Variants in GRIK5 observed in about 807,000 individuals in gnomAD.
GRIK5 encodes glutamate ionotropic receptor kainate type subunit 5.
A neutral mutation model predicts 97.4 loss-of-function variants in GRIK5; 43 were observed. That is an observed-to-expected ratio of 0.44 (90% CI 0.35 to 0.57). The LOEUF is 0.57. Among genes scored for constraint, GRIK5 ranks in the 20% least tolerant of loss-of-function variants. The pLI, the probability that GRIK5 is intolerant of heterozygous loss-of-function variation, is 0.01. For synonymous variants in GRIK5, 580 were observed against 583.5 expected (o/e 0.99, Z 0.09); for missense variants, 1,015 against 1,382.0 (o/e 0.73, Z 4.21).
At chr19:42,035,397 T>C (rs1228810327) in intron 12 of GRIK5, among the ~76,000 whole-genome samples, 1 of 152,172 alleles carries the variant, frequency 6.6e-6, no homozygotes, top group East Asian at 1.9e-4. Flanking sequence ...GATATCATTT[T>C]TGCAAAAATA....
rs147887966 is a variant in GRIK5 at position 42,021,459 on chromosome 19, C to T, written c.1713G>A (p.Glu571=). ...LFLAARLSPY[E]WYNPHPCLRA... ...GCAGGCATGGGTGTGGGTTATACCA[C>T]TCATAGGGGCTCAGCCTGTGGAGAG... Residue 571 remains glutamate (E), a synonymous_variant, in exon 15 of 20, where the codon GAG becomes GAA. Coordinates refer to ENST00000593562, the MANE Select transcript of GRIK5 (RefSeq NM_002088.5). This position sits in a 1 kb window ranked among gnomAD's most constrained non-coding sequence, Gnocchi z 4.2. The T allele has an allele frequency of 5.7e-6, 9 of 1,573,856 alleles. No individual in the cohort carries two copies. Among genetic ancestry groups the T allele is most frequent in the South Asian group, 1.2e-5 (1 of 86,082 alleles).
In GRIK5 at chr19:42,062,795, G is replaced by A. The variant is rs751122342; in HGVS notation, c.305C>T (p.Ser102Phe). The change falls in exon 4 of 20, where the codon TCT becomes TTT. Residue 102 changes from serine (S) to phenylalanine (F), a missense_variant. Ser to Phe is a radical substitution (Grantham distance 155). Transcript: ENST00000593562. This position sits in a 1 kb window ranked among gnomAD's most constrained non-coding sequence, Gnocchi z 5.3. Reference sequence around the variant, plus strand: ...ACAGATATGGCTCACGGTGGAGGCAGATGCTGGGCTAGAGGAGGGCCCAAG... The same window carrying A: ...ACAGATATGGCTCACGGTGGAGGCAAATGCTGGGCTAGAGGAGGGCCCAAG... ...SVLGPSSSPASASTVSHICGE... is the reference protein window; with the variant it reads ...SVLGPSSSPAFASTVSHICGE... 3 of 1,614,054 alleles carry A rather than the reference G, an allele frequency of 1.9e-6. No homozygotes were observed. The East Asian group carries it at 6.7e-5, about 36-fold the overall frequency.
At chr19:42,066,074 A>G (rs568617269) in intron 1 of GRIK5, among the ~76,000 whole-genome samples, 2 of 152,230 alleles carry the variant, frequency 1.3e-5, no homozygotes, top group East Asian at 3.9e-4. Flanking sequence ...GCTGCAAGAG[A>G]GAGGATGGGC....
In GRIK5 at chr19:41,999,053, G is replaced by A; in HGVS notation, c.2761C>T (p.Pro921Ser). 1.6e-6 allele frequency: 2 copies of A among 1,235,010 alleles called. No individual in the cohort carries two copies. Among genetic ancestry groups the A allele is most frequent in the South Asian group, 2.9e-5 (1 of 34,312 alleles). The allele number at this position is 1,235,010 out of a possible 1,614,324, so 76.5% of individuals were successfully genotyped here. ...TGGGTGCAGGGGGTGGGGGCGGCGG[G>A]TCGGGCTCCGCTGGGGGGCCCCGGG... Reference protein sequence around the residue: ...DDPGPPSGARPAAPTPCTHVR... With the variant: ...DDPGPPSGARSAAPTPCTHVR... Residue 921 changes from proline to serine, a missense_variant, in exon 20 of 20, where the codon CCC becomes TCC. Coordinates refer to ENST00000593562, the MANE Select transcript of GRIK5 (RefSeq NM_002088.5). This position sits in a 1 kb window ranked among gnomAD's most constrained non-coding sequence, Gnocchi z 5.0.
rs1555871093 is a variant in GRIK5, at chr19:42,002,268, G to A, written c.2514+1064C>T. On this transcript the variant is annotated intron_variant, in intron 19 of 19. Coordinates refer to ENST00000593562, the MANE Select transcript of GRIK5 (RefSeq NM_002088.5). The surrounding 1 kb of genome is among the most constrained non-coding windows in gnomAD (Gnocchi z 5.2). ...CTGCTGCCAAGGCTGTAAAGAGAAG[G>A]GAAGAAAGTGGGCGGTGGCTGGGAG... 2.8e-6 allele frequency: 2 copies of A among 717,676 alleles called. No individual in the cohort carries two copies. The highest frequency in any genetic ancestry group is 5.2e-6 in the Non-Finnish European group (2 of 385,124). 44.5% of individuals were successfully genotyped at this position (717,676 alleles called of 1,614,324 possible). A position where few individuals can be genotyped will look rare whatever the true frequency, so the allele number is the denominator to read the frequency against.
chr19:42,018,990 T>C (rs2075664829), intron 15 of GRIK5, among the ~76,000 whole-genome samples: 1 of 152,044 alleles, frequency 6.6e-6, no homozygotes, highest in South Asian at 2.1e-4. Context: ...TGGGAGGACT[T>C]TGGGTGCAGA....
intron 11 of GRIK5, 96 bp downstream of exon 11, chr19:42,053,506 C>G: frequency 1.3e-6 from 1 of 773,148 alleles, no homozygotes; most frequent in Admixed American, 1.9e-5. Flanking sequence ...CTGGCCTATG[C>G]GCTGTGCCAG....
Position 42,069,565 on chromosome 19 carries a change from A to G in GRIK5, c.-375T>C, listed in dbSNP as rs994002236. 1 of 116,236 alleles carries G rather than the reference A, an allele frequency of 8.6e-6. No individual in the cohort carries two copies. The highest frequency in any genetic ancestry group is 3.3e-5 in the African/African-American group (1 of 30,588). The allele number at this position is 116,236 out of a possible 1,614,324, so 7.2% of individuals were successfully genotyped here. On this transcript the variant is annotated 5_prime_UTR_variant, in exon 1 of 20. Coordinates refer to ENST00000593562, the MANE Select transcript of GRIK5 (RefSeq NM_002088.5). ...AGGAAAGGAGGAGAGGAAGGTGAAA[A>G]CGGAAGGGGGGGGCACAGGCAAAGC... is the stretch of plus-strand genomic sequence containing the variant.
At position 42,003,754 on chromosome 19, in the gene GRIK5, G is replaced by A; in HGVS notation, c.2264-71C>T. 4.1e-6 allele frequency: 6 copies of A among 1,469,144 alleles called. No homozygotes were observed. Among genetic ancestry groups the A allele is most frequent in the Non-Finnish European group, 4.5e-6 (5 of 1,109,070 alleles). 91.0% of individuals were successfully genotyped at this position (1,469,144 alleles called of 1,614,324 possible). A position where few individuals can be genotyped will look rare whatever the true frequency, so the allele number is the denominator to read the frequency against. On this transcript the variant is annotated intron_variant, in intron 17 of 19. Coordinates refer to ENST00000593562, the MANE Select transcript of GRIK5 (RefSeq NM_002088.5). The surrounding 1 kb of genome is among the most constrained non-coding windows in gnomAD (Gnocchi z 4.2). ...CCCTGACCGCCCCAAACCCCAAACT[G>A]TGCCCTCACCACGGCCTTCCCCCGC... is the stretch of plus-strand genomic sequence containing the variant.
rs530405275 is a variant in GRIK5 at position 42,069,572 on chromosome 19, G to A, written c.-382C>T. Reference sequence around the variant, plus strand: ...GAGGAGAGGAAGGTGAAAACGGAAGGGGGGGGCACAGGCAAAGCCGGGGGA... The same window carrying A: ...GAGGAGAGGAAGGTGAAAACGGAAGAGGGGGGCACAGGCAAAGCCGGGGGA... On this transcript the variant is annotated 5_prime_UTR_variant, in exon 1 of 20. Coordinates refer to ENST00000593562, the MANE Select transcript of GRIK5 (RefSeq NM_002088.5). 4 of 146,922 alleles carry A rather than the reference G, an allele frequency of 2.7e-5. No homozygotes were observed. Among genetic ancestry groups the A allele is most frequent in the Admixed American group, 1.3e-4 (2 of 14,980 alleles). 9.1% of individuals were successfully genotyped at this position (146,922 alleles called of 1,614,324 possible).
chr19:42,037,237 C>T (rs560160375), intron 12 of GRIK5, among the ~76,000 whole-genome samples: 1 of 152,160 alleles, frequency 6.6e-6, no homozygotes, highest in Admixed American at 6.5e-5. Context: ...AGGCGGACAG[C>T]TCACTTGAGG....
intron 1 of GRIK5, among the ~76,000 whole-genome samples, chr19:42,066,293 C>T (rs1245843439): frequency 2.0e-5 from 3 of 152,102 alleles, no homozygotes; most frequent in African/African-American, 7.2e-5. Context: ...CCTCACTTGC[C>T]ACTTTCCTAA....
chr19:41,998,820 C>G lies in GRIK5; in HGVS notation c.*51G>C. The G allele has an allele frequency of 1.0e-6, 1 of 958,676 alleles. No individual in the cohort carries two copies. The highest frequency in any genetic ancestry group is 1.3e-6 in the Non-Finnish European group (1 of 775,924). 59.4% of individuals were successfully genotyped at this position (958,676 alleles called of 1,614,324 possible). On this transcript the variant is annotated 3_prime_UTR_variant, in exon 20 of 20. Transcript: ENST00000593562. ...GAGCGGAGACTGCTGGGGCCTGGGG[C>G]GGGCCCCGTCCCTTCGGTCAGTCCG...
chr19:42,068,705 C>G (rs2146198970), intron 1 of GRIK5: 3 of 484,950 alleles, frequency 6.2e-6, no homozygotes, highest in Non-Finnish European at 7.4e-6. Context: ...GGGATCTAAA[C>G]AGAGACATGC....
chr19:42,026,330 G>A (rs1276919489), intron 12 of GRIK5, among the ~76,000 whole-genome samples: 3 of 151,736 alleles, frequency 2.0e-5, no homozygotes, highest in South Asian at 2.1e-4. Flanking sequence ...GTCTTGCTCT[G>A]TAGCTCAACC....
chr19:42,064,566 T>A (rs1432425143), intron 3 of GRIK5, among the ~76,000 whole-genome samples: 1 of 152,134 alleles, frequency 6.6e-6, no homozygotes, highest in African/African-American at 2.4e-5. Flanking sequence ...CTGTGCCACA[T>A]CAGCCAAAAA....
intron 5 of GRIK5, among the ~76,000 whole-genome samples, chr19:42,061,000 G>T (rs959453323): frequency 6.6e-6 from 1 of 152,226 alleles, no homozygotes; most frequent in Non-Finnish European, 1.5e-5. Context: ...CCAATACCAA[G>T]ATCAGAGCCT....
At chr19:42,017,372 T>A (rs2075637318) in intron 15 of GRIK5, among the ~76,000 whole-genome samples, 1 of 152,262 alleles carries the variant, frequency 6.6e-6, no homozygotes, top group Admixed American at 6.5e-5. Flanking sequence ...TCCCTGCTTT[T>A]TCCCCTTCAT....
intron 6 of GRIK5, among the ~76,000 whole-genome samples, chr19:42,058,687 G>A (rs2076218890): frequency 6.6e-6 from 1 of 150,420 alleles, no homozygotes; most frequent in African/African-American, 2.4e-5. Flanking sequence ...TTAGCCGAGT[G>A]TGGTGGCAGG....
Sources: allele counts gnomAD v4.1 joint callset (sites outside exome capture counted in the v4.1 genomes callset), GRCh38; gene constraint gnomAD v4.1.1; non-coding constraint Gnocchi (gnomAD v3.1); transcripts MANE v1.5; gene names NCBI Gene and HGNC (gene_info 2026-07-23, HGNC 2026-07-21).